The following TMEM150B variants were observed in gnomAD, a reference collection of about 807,000 sequenced individuals.
TMEM150B encodes the protein modulator of macroautophagy TMEM150B.
A neutral mutation model predicts 25.2 loss-of-function variants in TMEM150B; 33 were observed. The observed-to-expected ratio is 1.31, with a 90% CI of 0.99 to 1.75. The LOEUF (loss-of-function observed/expected upper bound fraction) is 1.75. TMEM150B is among the 40% of genes most tolerant of loss of function. The probability of loss-of-function intolerance (pLI) is 0.00; values close to 1 mark genes in which losing one functional copy is unlikely to be tolerated. For synonymous variants in TMEM150B, 133 were observed against 134.8 expected (o/e 0.99, Z 0.09); for missense variants, 322 against 306.1 (o/e 1.05, Z -0.39).
At chr19:55,318,764 G>T (rs1003365036) in intron 6 of TMEM150B, among the ~76,000 whole-genome samples, 1 of 152,200 alleles carries the variant, frequency 6.6e-6, no homozygotes, top group Non-Finnish European at 1.5e-5. Context: ...GCTGCCAAAT[G>T]CTCAATCAAT....
intron 3 of TMEM150B, 53 bp downstream of exon 3, chr19:55,320,916 C>A: frequency 6.3e-7 from 1 of 1,593,636 alleles, no homozygotes; most frequent in Admixed American, 1.8e-5. Context: ...AAATCCAGGC[C>A]CCAGCCCCCT....
downstream of TMEM150B, chr19:55,312,533 C>CA (rs372052269): frequency 0.55 from 14,128 of 25,660 alleles, 5,091 homozygotes; most frequent in Non-Finnish European, 0.57. Context: ...CCGCCGGCGG[C>CA]AAAAAAAAAA....
chr19:55,320,209 A>T, intron 5 of TMEM150B, 43 bp from the exon 6 acceptor site: 3 of 1,602,240 alleles, frequency 1.9e-6, no homozygotes, highest in Non-Finnish European at 1.7e-6. Context: ...AGACCCACCA[A>T]GAACTCCTGG....
At chr19:55,311,886 C>A (rs376937718), downstream of TMEM150B, 1 of 1,609,212 alleles carries the variant, frequency 6.2e-7, no homozygotes, top group South Asian at 1.1e-5. Context: ...GCGGAACCCA[C>A]GAAAAACCTC....
In TMEM150B at chr19:55,316,700, C is replaced by T. The variant is rs1039681842; in HGVS notation, c.505+86G>A. 5.5e-6 allele frequency: 7 copies of T among 1,272,206 alleles called. No individual in the cohort carries two copies. In the African/African-American group the frequency reaches 1.1e-4, roughly 20 times the overall value. 78.8% of individuals were successfully genotyped at this position (1,272,206 alleles called of 1,614,324 possible). Reference sequence around the variant, plus strand: ...AGTGAGGCCCAGAGAAAGGAAGAGACATCCCCAGTGACAGACAGCCAGGCA... The same window carrying T: ...AGTGAGGCCCAGAGAAAGGAAGAGATATCCCCAGTGACAGACAGCCAGGCA... On this transcript the variant is annotated intron_variant, in intron 7 of 7. Transcript: ENST00000326652.
chr19:55,314,167 G>A (rs931333033), intron 7 of TMEM150B, among the ~76,000 whole-genome samples: 3 of 152,130 alleles, frequency 2.0e-5, no homozygotes, highest in African/African-American at 4.8e-5. Context: ...GACTACAGGC[G>A]TGTGCCACCA....
chr19:55,324,485 TAAAAATAC>T lies in TMEM150B; in HGVS notation c.-154+779_-154+786del, dbSNP rs550285789. 6.6e-4 allele frequency among the ~76,000 whole-genome samples: 101 copies of T among 151,942 alleles called. 2 individuals carry two copies. The highest frequency in any genetic ancestry group is 4.9e-3 in the Admixed American group (74 of 15,246). The stretch of plus-strand genomic sequence containing the variant: ...CAACATAGTGAAACCCCGTCTCTAC[TAAAAATAC>T]AAAAATTAGCCGGGTGTGGTGGCAG... On this transcript the variant is annotated intron_variant, in intron 1 of 7. Coordinates refer to ENST00000326652, the MANE Select transcript of TMEM150B (RefSeq NM_001282011.2).
chr19:55,324,941 G>T (rs1400175804), intron 1 of TMEM150B: 1 of 941,714 alleles, frequency 1.1e-6, no homozygotes, highest in East Asian at 1.2e-4. Flanking sequence ...GGAGCCCAGG[G>T]GAGGGAGGGG....
rs947581745 is a variant in TMEM150B at position 55,320,030 on chromosome 19, G to T, written c.324+9C>A. 6.2e-7 allele frequency: 1 copy of T among 1,614,044 alleles called. No homozygotes were observed. The highest frequency in any genetic ancestry group is 1.3e-5 in the African/African-American group (1 of 75,012). ...CCGGGACAGACCCTGGGCGCCGACT[G>T]GGTCTCACCTGGAAATTGCCTACCA... On this transcript the variant is annotated intron_variant, in intron 6 of 7. Coordinates refer to ENST00000326652, the MANE Select transcript of TMEM150B (RefSeq NM_001282011.2).
At chr19:55,313,831 GT>G (rs1568996335) in intron 7 of TMEM150B, among the ~76,000 whole-genome samples, 1 of 152,192 alleles carries the variant, frequency 6.6e-6, no homozygotes, top group Non-Finnish European at 1.5e-5. Flanking sequence ...GACAGCATTT[GT>G]TTTCTGGAAC....
At chr19:55,314,962 C>A (rs948363558) in intron 7 of TMEM150B, among the ~76,000 whole-genome samples, 3 of 152,152 alleles carry the variant, frequency 2.0e-5, no homozygotes, top group African/African-American at 7.2e-5. Flanking sequence ...ATGAGAAAGA[C>A]CCCCCAAGGC....
intron 7 of TMEM150B, among the ~76,000 whole-genome samples, chr19:55,313,679 C>T (rs1385668310): frequency 6.6e-6 from 1 of 152,154 alleles, no homozygotes; most frequent in Non-Finnish European, 1.5e-5. Context: ...ATCTGCCTTA[C>T]CCATCTCTCT....
rs141900114 is a variant in TMEM150B at position 55,320,261 on chromosome 19, G to C, written c.197-95C>G. On this transcript the variant is annotated intron_variant, in intron 5 of 7. Coordinates refer to ENST00000326652, the MANE Select transcript of TMEM150B (RefSeq NM_001282011.2). Reference sequence around the variant, plus strand: ...TGAGGGGAGCAAGGTGAGGGAGAAAGTGGCAAACTCCCGGATTTTGGGGAA... The same window carrying C: ...TGAGGGGAGCAAGGTGAGGGAGAAACTGGCAAACTCCCGGATTTTGGGGAA... The C allele has an allele frequency of 6.5e-4, 996 of 1,527,616 alleles. 2 individuals are homozygous for C. In the African/African-American group the frequency reaches 0.012, roughly 19 times the overall value. 94.6% of individuals were successfully genotyped at this position (1,527,616 alleles called of 1,614,324 possible). A position where few individuals can be genotyped will look rare whatever the true frequency, so the allele number is the denominator to read the frequency against.
chr19:55,321,997 A>G (rs2123134653), intron 2 of TMEM150B, among the ~76,000 whole-genome samples: 1 of 152,178 alleles, frequency 6.6e-6, no homozygotes, highest in South Asian at 2.1e-4. Flanking sequence ...CAGCGATGAC[A>G]TCTCCATCCG....
At chr19:55,319,985 GT>G in intron 6 of TMEM150B, 53 bp downstream of exon 6, 1 of 1,612,304 alleles carries the variant, frequency 6.2e-7, no homozygotes, top group Non-Finnish European at 8.5e-7. Context: ...CATGCTGGGA[GT>G]TGTAGTTCCA....
intron 6 of TMEM150B, among the ~76,000 whole-genome samples, chr19:55,318,908 C>T (rs2089096827): frequency 6.6e-6 from 1 of 151,930 alleles, no homozygotes; most frequent in Non-Finnish European, 1.5e-5. Context: ...TCAAGCAATC[C>T]TCCATCTTCC....
chr19:55,314,572 A>C (rs1034403200), intron 7 of TMEM150B, among the ~76,000 whole-genome samples: 9 of 152,032 alleles, frequency 5.9e-5, no homozygotes, highest in African/African-American at 2.2e-4. Flanking sequence ...TACGACACTC[A>C]GCTAGCTGTC....
intron 3 of TMEM150B, 59 bp downstream of exon 3, chr19:55,320,910 C>G: frequency 6.3e-7 from 1 of 1,576,066 alleles, no homozygotes. Context: ...ACCCAGAAAT[C>G]CAGGCCCCAG....
At chr19:55,315,863 G>C (rs1289856294) in intron 7 of TMEM150B, among the ~76,000 whole-genome samples, 2 of 152,186 alleles carry the variant, frequency 1.3e-5, no homozygotes, top group Non-Finnish European at 2.9e-5. Context: ...CCGGGAGGCG[G>C]AGGTTGCAGT....
Sources: gnomAD v4.1 joint callset for allele counts (sites outside exome capture counted in the v4.1 genomes callset) on GRCh38, gnomAD v4.1.1 for gene constraint, MANE v1.5 for transcripts, NCBI Gene and HGNC (gene_info 2026-07-23, HGNC 2026-07-21) for gene names.